The following ZNF454 variants were observed in gnomAD, a reference collection of about 807,000 sequenced individuals.
ZNF454 encodes the protein zinc finger protein 454.
In ZNF454, 30 loss-of-function variants were observed where a neutral mutation model predicts 48.2. The observed-to-expected ratio is 0.62, with a 90% CI of 0.47 to 0.84. The LOEUF (loss-of-function observed/expected upper bound fraction) is 0.84. Ranked by LOEUF, ZNF454 falls within the 40% of genes least tolerant of loss-of-function variation. The pLI, the probability that ZNF454 is intolerant of heterozygous loss-of-function variation, is 0.00. For missense variants in ZNF454, 510 were observed against 623.1 expected, an observed-to-expected ratio of 0.82 and a Z score of 1.93; for synonymous variants, 204 against 211.4, an observed-to-expected ratio of 0.97 and a Z score of 0.30.
At chr5:178,967,742 C>CTTT (rs10694687), downstream of ZNF454, among the ~76,000 whole-genome samples, 22 of 129,528 alleles carry the variant, frequency 1.7e-4, no homozygotes, top group Non-Finnish European at 2.8e-4. Flanking sequence ...TTTTCTTTTT[C>CTTT]TTTTTTTTTT....
the ZNF454 span, chr5:178,982,692 TAAAA>T: frequency 2.7e-4 from 115 of 432,674 alleles, 1 homozygote; most frequent in Admixed American, 1.7e-3. Context: ...ATGAAAATGA[TAAAA>T]AAAAAAAAGA....
chr5:178,970,227 G>A (rs747312277), downstream of ZNF454, among the ~76,000 whole-genome samples: 1 of 151,948 alleles, frequency 6.6e-6, no homozygotes, highest in Non-Finnish European at 1.5e-5. Context: ...CCTTTCCTTC[G>A]CTCTTTGCCC....
Position 178,965,492 on chromosome 5 carries a change from AGG to A in ZNF454, c.1089_1090del (p.Lys363AsnfsTer10). ...CCCTTTGAATGTAATGAATGTGGGA[AGG>A]CCTTCAGGGTGAACTCTTCCCTTAC... On this transcript the variant is annotated frameshift_variant, in exon 5 of 5. Coordinates refer to ENST00000519564, the MANE Select transcript of ZNF454 (RefSeq NM_001178089.3). LOFTEE classifies it high-confidence loss of function. This position sits in a 1 kb window ranked among gnomAD's most constrained non-coding sequence, Gnocchi z 5.2. The A allele has an allele frequency of 6.2e-7, 1 of 1,614,202 alleles. No individual in the cohort carries two copies. The highest frequency in any genetic ancestry group is 8.5e-7 in the Non-Finnish European group (1 of 1,180,028).
At chr5:178,989,239 C>A in the ZNF454 span, 1 of 1,502,150 alleles carries the variant, frequency 6.7e-7, no homozygotes, top group Non-Finnish European at 9.2e-7. Flanking sequence ...ACCCTCCCCA[C>A]CCTCACCACC....
chr5:178,951,595 T>C (rs957452207), intron 4 of ZNF454, among the ~76,000 whole-genome samples: 1 of 152,254 alleles, frequency 6.6e-6, no homozygotes, highest in African/African-American at 2.4e-5. Context: ...AGATCCATGT[T>C]GAGGCACGTA....
chr5:178,986,531 G>A, the ZNF454 span: 2 of 1,608,142 alleles, frequency 1.2e-6, no homozygotes, highest in Middle Eastern at 1.6e-4. Flanking sequence ...CGCACCACAG[G>A]TGTGGGGCGG....
At chr5:178,954,702 C>A (rs1759682249) in intron 4 of ZNF454, among the ~76,000 whole-genome samples, 1 of 152,214 alleles carries the variant, frequency 6.6e-6, no homozygotes, top group Non-Finnish European at 1.5e-5. Flanking sequence ...TTCTGTCTTA[C>A]TCCTTTGCTG....
At chr5:178,975,163 C>G in the ZNF454 span, among the ~76,000 whole-genome samples, 1 of 152,114 alleles carries the variant, frequency 6.6e-6, no homozygotes, top group Admixed American at 6.6e-5. Flanking sequence ...CAAAAATTAG[C>G]CGGGCTACTC....
chr5:178,946,421 C>T lies in ZNF454; in HGVS notation c.96C>T (p.Ser32=). Residue 32 remains serine, a synonymous_variant, in exon 3 of 5, where the codon AGC becomes AGT. Transcript: ENST00000519564. This position sits in a 1 kb window ranked among gnomAD's most constrained non-coding sequence, Gnocchi z 4.5. ...CCCAGGAAGAGTGGGGGCAGCTGAG[C>T]CCCGCCCAGAGGGCCCTGTACAGGG... is the stretch of plus-strand genomic sequence containing the variant. ...LFTQEEWGQL[S]PAQRALYRDV... 6.2e-7 allele frequency: 1 copy of T among 1,613,060 alleles called. No individual in the cohort carries two copies. The highest frequency in any genetic ancestry group is 1.7e-5 in the Admixed American group (1 of 59,688).
the ZNF454 span, chr5:178,986,406 G>A: frequency 8.3e-4 from 1,344 of 1,613,794 alleles, 4 homozygotes; most frequent in Non-Finnish European, 1.0e-3. Context: ...CCGAGGCCCG[G>A]ACGATGGGCG....
chr5:178,985,694 C>A, the ZNF454 span: 1 of 374,174 alleles, frequency 2.7e-6, no homozygotes, highest in Non-Finnish European at 5.1e-6. Flanking sequence ...CACAGCGAGA[C>A]TCTGTCTAAA....
At chr5:178,983,986 G>A in the ZNF454 span, among the ~76,000 whole-genome samples, 1 of 152,224 alleles carries the variant, frequency 6.6e-6, no homozygotes, top group Non-Finnish European at 1.5e-5. Context: ...CTGGAGCAGG[G>A]CCATGTGATC....
the ZNF454 span, among the ~76,000 whole-genome samples, chr5:178,971,523 G>A: frequency 0.051 from 7,767 of 152,012 alleles, 280 homozygotes; most frequent in Non-Finnish European, 0.074. Context: ...TATCGAAGAC[G>A]TGCCCAGCTC....
At chr5:178,985,302 C>T in the ZNF454 span, 2 of 455,748 alleles carry the variant, frequency 4.4e-6, no homozygotes, top group African/African-American at 4.0e-5. Context: ...CCCACACTCC[C>T]CACCTGACTG....
intron 4 of ZNF454, among the ~76,000 whole-genome samples, chr5:178,963,686 A>G (rs1760062417): frequency 6.6e-6 from 1 of 151,706 alleles, no homozygotes; most frequent in Admixed American, 6.6e-5. Flanking sequence ...CTTTGCCACA[A>G]AATATCTCAT....
the ZNF454 span, chr5:178,980,155 T>G: frequency 1.9e-5 from 3 of 154,310 alleles, no homozygotes; most frequent in Non-Finnish European, 4.4e-5. This position sits in a 1 kb window ranked among gnomAD's most constrained non-coding sequence, Gnocchi z 4.3. Flanking sequence ...AGAAGCTGCA[T>G]GGGAAAGTTT....
the ZNF454 span, chr5:178,986,023 A>T: frequency 9.6e-7 from 1 of 1,038,646 alleles, no homozygotes; most frequent in Non-Finnish European, 1.4e-6. Context: ...CAGCCTCCAA[A>T]GGTGCTGGGA....
chr5:178,953,869 T>A (rs1759645911), intron 4 of ZNF454, among the ~76,000 whole-genome samples: 1 of 152,212 alleles, frequency 6.6e-6, no homozygotes, highest in South Asian at 2.1e-4. Flanking sequence ...TCCAGTGATC[T>A]TAAATTTCCC....
At position 178,944,108 on chromosome 5, in the gene ZNF454, G is replaced by T. The variant is rs1005175882; in HGVS notation, c.33+1284G>T. On this transcript the variant is annotated intron_variant, in intron 2 of 4. Coordinates refer to ENST00000519564, the MANE Select transcript of ZNF454 (RefSeq NM_001178089.3). The surrounding 1 kb of genome is among the most constrained non-coding windows in gnomAD (Gnocchi z 4.1). ...TGGGCATATACATTCTGATACATTT[G>T]GTTAAATTGTTCTAATTCCTTCACA... Among the ~76,000 whole-genome samples the T allele has an allele frequency of 1.3e-5, 2 of 152,194 alleles. No individual in the cohort carries two copies. Among genetic ancestry groups the T allele is most frequent in the Non-Finnish European group, 2.9e-5 (2 of 68,038 alleles).
Sources: gnomAD v4.1 joint callset for allele counts (sites outside exome capture counted in the v4.1 genomes callset) on GRCh38, gnomAD v4.1.1 for gene constraint, Gnocchi (gnomAD v3.1) non-coding constraint, MANE v1.5 for transcripts, NCBI Gene and HGNC (gene_info 2026-07-23, HGNC 2026-07-21) for gene names.